The following XKR9 variants were observed in gnomAD, a reference collection of about 807,000 sequenced individuals.
XKR9 encodes XK related 9, also known as XK-related protein 9.
A neutral mutation model predicts 32.0 loss-of-function variants in XKR9; 32 were observed. That is an observed-to-expected ratio of 1.00 (90% confidence interval 0.76 to 1.34). The LOEUF (loss-of-function observed/expected upper bound fraction) is 1.34, where lower values mean the gene tolerates loss of function less well. Among genes scored for constraint, XKR9 ranks in the 40% most tolerant of loss-of-function variants. The pLI is 0.00. For missense variants in XKR9, 546 were observed against 429.7 expected (o/e 1.27, Z -2.39); for synonymous variants, 168 against 143.4 (o/e 1.17, Z -1.22).
At chr8:70,873,910 G>T in the XKR9 span, among the ~76,000 whole-genome samples, 1 of 152,100 alleles carries the variant, frequency 6.6e-6, no homozygotes, top group African/African-American at 2.4e-5. Flanking sequence ...CTTCATTGTT[G>T]TCTTATTTTA....
the XKR9 span, among the ~76,000 whole-genome samples, chr8:70,807,842 TAGAC>T: frequency 3.3e-5 from 5 of 152,084 alleles, no homozygotes; most frequent in African/African-American, 7.3e-5. Flanking sequence ...CTGTCAATAT[TAGAC>T]AGATCAACAA....
chr8:70,770,491 A>C (rs1807439138), intron 2 of XKR9, among the ~76,000 whole-genome samples: 1 of 152,198 alleles, frequency 6.6e-6, no homozygotes, highest in Non-Finnish European at 1.5e-5. Context: ...GGAACGTTTA[A>C]GTCTGCTGAA....
chr8:71,064,930 A>G, the XKR9 span, among the ~76,000 whole-genome samples: 1 of 152,184 alleles, frequency 6.6e-6, no homozygotes, highest in Non-Finnish European at 1.5e-5. Context: ...GTCATCTTGG[A>G]CGCTGGGAAA....
At chr8:70,846,800 A>T in the XKR9 span, among the ~76,000 whole-genome samples, 1 of 152,092 alleles carries the variant, frequency 6.6e-6, no homozygotes, top group African/African-American at 2.4e-5. Context: ...CAGAAAATAA[A>T]TTCTAAATAT....
the XKR9 span, among the ~76,000 whole-genome samples, chr8:70,863,135 G>A: frequency 6.6e-6 from 1 of 152,158 alleles, no homozygotes; most frequent in African/African-American, 2.4e-5. Flanking sequence ...GCTATGTTAA[G>A]CACTTTGCTG....
chr8:70,892,491 G>T, the XKR9 span, among the ~76,000 whole-genome samples: 1 of 151,954 alleles, frequency 6.6e-6, no homozygotes, highest in Admixed American at 6.6e-5. Flanking sequence ...ATCCAGATGT[G>T]GGAGTCCCTT....
At chr8:71,019,013 C>T in the XKR9 span, among the ~76,000 whole-genome samples, 1 of 152,312 alleles carries the variant, frequency 6.6e-6, no homozygotes, top group South Asian at 2.1e-4. Context: ...TGATTGACAG[C>T]TCCATTCCAC....
chr8:70,951,871 G>GGT, the XKR9 span, among the ~76,000 whole-genome samples: 1 of 91,538 alleles, frequency 1.1e-5, no homozygotes, highest in Non-Finnish European at 2.2e-5. Flanking sequence ...CATCATTGGG[G>GGT]GGGGGGTGGT....
chr8:70,768,136 GT>G (rs1331491444), intron 2 of XKR9, among the ~76,000 whole-genome samples: 2 of 152,060 alleles, frequency 1.3e-5, no homozygotes, highest in South Asian at 4.2e-4. Context: ...GTTCTCATTG[GT>G]TTCAAAGAAC....
chr8:70,999,967 A>C, the XKR9 span, among the ~76,000 whole-genome samples: 1 of 152,210 alleles, frequency 6.6e-6, no homozygotes, highest in Non-Finnish European at 1.5e-5. Context: ...ATCTTTTAAA[A>C]TGAATCAATT....
intron 4 of XKR9, among the ~76,000 whole-genome samples, chr8:70,709,926 C>T (rs1805853250): frequency 1.3e-5 from 2 of 151,516 alleles, no homozygotes; most frequent in African/African-American, 4.8e-5. Flanking sequence ...TCATTTTATA[C>T]AGAATGAAAA....
the XKR9 span, among the ~76,000 whole-genome samples, chr8:70,994,249 T>A: frequency 1.3e-5 from 2 of 152,180 alleles, no homozygotes; most frequent in African/African-American, 4.8e-5. Flanking sequence ...TATACAATTT[T>A]CTTCTTTCTG....
chr8:70,911,581 G>T, the XKR9 span, among the ~76,000 whole-genome samples: 1 of 152,180 alleles, frequency 6.6e-6, no homozygotes, highest in Non-Finnish European at 1.5e-5. Flanking sequence ...CACGTGTCAA[G>T]ATTCTTCTAT....
the XKR9 span, among the ~76,000 whole-genome samples, chr8:70,876,313 C>T: frequency 6.7e-6 from 1 of 149,870 alleles, no homozygotes; most frequent in African/African-American, 2.5e-5. Flanking sequence ...CCTCCGCCTC[C>T]TAGGTTCAAG....
the XKR9 span, among the ~76,000 whole-genome samples, chr8:70,882,599 A>G: frequency 6.6e-6 from 1 of 152,028 alleles, no homozygotes; most frequent in Non-Finnish European, 1.5e-5. Context: ...AAATTAATAG[A>G]TGACTTTTCA....
At chr8:71,058,800 A>G in the XKR9 span, among the ~76,000 whole-genome samples, 1 of 152,334 alleles carries the variant, frequency 6.6e-6, no homozygotes, top group African/African-American at 2.4e-5. Context: ...TGTTTTACTC[A>G]ATGGGGTGAT....
chr8:70,839,356 T>G, the XKR9 span, among the ~76,000 whole-genome samples: 2 of 152,146 alleles, frequency 1.3e-5, no homozygotes, highest in African/African-American at 2.4e-5. Context: ...TGAAGTCTAG[T>G]GTTTCTTTCT....
chr8:70,887,425 A>G, the XKR9 span, among the ~76,000 whole-genome samples: 1 of 151,954 alleles, frequency 6.6e-6, no homozygotes, highest in African/African-American at 2.4e-5. Context: ...TTGGTTTCAT[A>G]TGAAATTTAA....
intron 3 of XKR9, among the ~76,000 whole-genome samples, chr8:70,693,505 T>C (rs991795954): frequency 3.3e-5 from 5 of 152,210 alleles, no homozygotes; most frequent in African/African-American, 4.8e-5. Context: ...AGTTCACAAC[T>C]TGTCACTCCT....
Sources: allele counts gnomAD v4.1 joint callset (sites outside exome capture counted in the v4.1 genomes callset), GRCh38; gene constraint gnomAD v4.1.1; transcripts MANE v1.5; gene names NCBI Gene and HGNC (gene_info 2026-07-23, HGNC 2026-07-21).